TSHZ2: variants seen among roughly 807,000 people sequenced by gnomAD.
TSHZ2 encodes teashirt zinc finger homeobox 2, also known as teashirt homolog 2.
Under a neutral mutation model 74.4 loss-of-function variants are expected in TSHZ2, and 21 were observed. The observed-to-expected ratio is 0.28, with a 90% confidence interval of 0.20 to 0.41. TSHZ2 has a LOEUF of 0.41. TSHZ2 is among the 10% of genes least tolerant of loss of function. TSHZ2 has a pLI of 1.00. For synonymous variants in TSHZ2, 540 were observed against 515.3 expected (o/e 1.05, Z -0.65); for missense variants, 1,244 against 1,293.5 (o/e 0.96, Z 0.59).
chr20:53,442,448 C>T (rs545563852), intron 2 of TSHZ2, among the ~76,000 whole-genome samples: 7 of 152,182 alleles, frequency 4.6e-5, no homozygotes, highest in South Asian at 4.1e-4. Context: ...GACTGCTGAG[C>T]GGGGGCTTAG....
intron 2 of TSHZ2, among the ~76,000 whole-genome samples, chr20:53,355,246 C>T (rs1381825995): frequency 6.6e-6 from 1 of 152,098 alleles, no homozygotes; most frequent in Non-Finnish European, 1.5e-5. Flanking sequence ...TAAGAGAACA[C>T]CTGGGAGACA....
chr20:53,173,083 G>A (rs1988240260), intron 1 of TSHZ2, among the ~76,000 whole-genome samples: 2 of 152,168 alleles, frequency 1.3e-5, no homozygotes, highest in African/African-American at 4.8e-5. Flanking sequence ...AGTGCTCCCA[G>A]CACAAGGAAA....
chr20:53,390,523 T>TAAACACCG (rs1982210653), intron 2 of TSHZ2, among the ~76,000 whole-genome samples: 1 of 152,334 alleles, frequency 6.6e-6, no homozygotes, highest in East Asian at 1.9e-4. Flanking sequence ...GAACACTTAT[T>TAAACACCG]AAACACCGAC....
At chr20:53,379,555 G>A (rs1048491660) in intron 2 of TSHZ2, among the ~76,000 whole-genome samples, 7 of 152,166 alleles carry the variant, frequency 4.6e-5, no homozygotes, top group Admixed American at 3.9e-4. Context: ...AGTTTGCAGA[G>A]CGGAAGAGAT....
At chr20:53,196,441 G>A (rs1054274789) in intron 1 of TSHZ2, 4 of 147,574 alleles carry the variant, frequency 2.7e-5, no homozygotes, top group Non-Finnish European at 6.0e-5. Context: ...TTCTTAATTA[G>A]CATGGCACCT....
intron 2 of TSHZ2, among the ~76,000 whole-genome samples, chr20:53,362,217 C>T (rs1310977072): frequency 1.4e-5 from 2 of 147,096 alleles, no homozygotes; most frequent in Non-Finnish European, 3.0e-5. Flanking sequence ...TGGAGTCTCG[C>T]TCTGTTGCCC....
intron 1 of TSHZ2, among the ~76,000 whole-genome samples, chr20:53,020,207 A>G (rs1983191071): frequency 1.3e-5 from 2 of 152,170 alleles, no homozygotes; most frequent in South Asian, 2.1e-4. Flanking sequence ...TCGGGTGGGG[A>G]CACAGAGCCC....
chr20:53,465,882 G>A (rs1444017754), intron 2 of TSHZ2, among the ~76,000 whole-genome samples: 1 of 150,096 alleles, frequency 6.7e-6, no homozygotes. Flanking sequence ...TTAAGTGTGT[G>A]TTCCAATCTA....
At chr20:53,379,254 C>A (rs965610677) in intron 2 of TSHZ2, among the ~76,000 whole-genome samples, 2 of 152,132 alleles carry the variant, frequency 1.3e-5, no homozygotes, top group African/African-American at 4.8e-5. Flanking sequence ...TGGTGTCACG[C>A]GCCTGTAGTC....
At chr20:53,156,025 C>T in intron 1 of TSHZ2, among the ~76,000 whole-genome samples, 1 of 152,114 alleles carries the variant, frequency 6.6e-6, no homozygotes. Context: ...AACCTGACCC[C>T]AAGAGTCTCA....
intron 1 of TSHZ2, among the ~76,000 whole-genome samples, chr20:53,036,262 T>C (rs946575320): frequency 6.6e-6 from 1 of 152,188 alleles, no homozygotes; most frequent in African/African-American, 2.4e-5. Flanking sequence ...TTTTCTTTTC[T>C]CAATATGATA....
intron 1 of TSHZ2, among the ~76,000 whole-genome samples, chr20:52,974,515 CCTCT>C (rs59121010): frequency 7.9e-5 from 12 of 151,376 alleles, no homozygotes; most frequent in Non-Finnish European, 1.6e-4. Context: ...GTTGTTTTTT[CCTCT>C]CTCTCTGTCT....
chr20:53,250,543 C>T (rs1216590492), intron 1 of TSHZ2, among the ~76,000 whole-genome samples: 2 of 152,112 alleles, frequency 1.3e-5, no homozygotes, highest in African/African-American at 4.8e-5. Flanking sequence ...CTCACTTTGA[C>T]AGATGTTTGG....
chr20:53,039,607 C>T lies in TSHZ2; in HGVS notation c.40+66274C>T, dbSNP rs568864845. On this transcript the variant is annotated intron_variant, in intron 1 of 2. Coordinates refer to ENST00000371497, the MANE Select transcript of TSHZ2 (RefSeq NM_173485.6). The stretch of plus-strand genomic sequence containing the variant: ...ATAGTTGGTCAACATGGTGAAACTC[C>T]GTCTCCACTAAAAACACAAAAAATT... Among the ~76,000 whole-genome samples, 31 of 152,174 alleles carry T rather than the reference C, an allele frequency of 2.0e-4. No homozygotes were observed. The South Asian group carries it at 3.3e-3, about 16-fold the overall frequency.
At chr20:53,010,334 AT>A (rs1378523420) in intron 1 of TSHZ2, among the ~76,000 whole-genome samples, 3 of 152,194 alleles carry the variant, frequency 2.0e-5, no homozygotes, top group African/African-American at 7.2e-5. Context: ...TGATTGGATC[AT>A]CAAAATCCTA....
intron 2 of TSHZ2, among the ~76,000 whole-genome samples, chr20:53,374,292 C>T (rs1355200648): frequency 6.6e-6 from 1 of 151,938 alleles, no homozygotes; most frequent in Non-Finnish European, 1.5e-5. Context: ...GCCTCCAGCT[C>T]CATCCATATT....
intron 2 of TSHZ2, among the ~76,000 whole-genome samples, chr20:53,429,709 T>C (rs1200548146): frequency 6.6e-6 from 1 of 152,186 alleles, no homozygotes; most frequent in Non-Finnish European, 1.5e-5. Context: ...AAAAATTCTA[T>C]TAGGGGATTC....
At chr20:53,047,617 A>G (rs75799854) in intron 1 of TSHZ2, among the ~76,000 whole-genome samples, 2,223 of 152,286 alleles carry the variant, frequency 0.015, 55 homozygotes, top group African/African-American at 0.051. Context: ...ACCAAGAAAC[A>G]GGAGATCTAT....
chr20:53,095,295 A>C (rs1212097242), intron 1 of TSHZ2, among the ~76,000 whole-genome samples: 2 of 152,160 alleles, frequency 1.3e-5, no homozygotes, highest in Admixed American at 6.5e-5. Flanking sequence ...GAGTAAGTCC[A>C]CCGTCACAGA....
Sources: allele counts gnomAD v4.1 joint callset (sites outside exome capture counted in the v4.1 genomes callset), GRCh38; gene constraint gnomAD v4.1.1; transcripts MANE v1.5; gene names NCBI Gene and HGNC (gene_info 2026-07-23, HGNC 2026-07-21).